Variants in DENND2B observed in about 807,000 individuals in gnomAD.
DENND2B encodes DENN domain-containing protein 2B.
In DENND2B, 32 loss-of-function variants were observed where a neutral mutation model predicts 116.0. The observed-to-expected ratio is 0.28, with a 90% CI of 0.21 to 0.37. The LOEUF (loss-of-function observed/expected upper bound fraction) is 0.37, where lower values mean the gene tolerates loss of function less well. DENND2B is among the 10% of genes least tolerant of loss of function. The probability of loss-of-function intolerance (pLI) is 1.00; values close to 1 mark genes in which losing one functional copy is unlikely to be tolerated. For missense variants in DENND2B, 1,276 were observed against 1,477.7 expected (o/e 0.86, Z 2.24); for synonymous variants, 588 against 583.9 (o/e 1.01, Z -0.10).
chr11:8,787,308 G>A (rs2059001775), intron 1 of DENND2B: 1 of 151,772 alleles, frequency 6.6e-6, no homozygotes, highest in Admixed American at 6.6e-5. Flanking sequence ...CATCCTCAAG[G>A]AGAAGATGCA....
intron 1 of DENND2B, among the ~76,000 whole-genome samples, chr11:8,767,958 C>T (rs1241371792): frequency 1.3e-5 from 2 of 152,062 alleles, no homozygotes; most frequent in Non-Finnish European, 2.9e-5. Context: ...CCACTGGCAG[C>T]AAGGGTGTGT....
In DENND2B at chr11:8,729,333, G is replaced by A. The variant is rs558505678; in HGVS notation, c.1340+617C>T. Among the ~76,000 whole-genome samples, 12 of 152,262 alleles carry A rather than the reference G, an allele frequency of 7.9e-5. No homozygotes were observed. The South Asian group carries it at 2.1e-3, about 26-fold the overall frequency. ...TTGGTAATCTGGGGTTAGAAATCCTGAGACTGACCAGGAAACCAACGTGAG... is the reference window on the plus strand; with the variant it reads ...TTGGTAATCTGGGGTTAGAAATCCTAAGACTGACCAGGAAACCAACGTGAG... On this transcript the variant is annotated intron_variant, in intron 3 of 19. Transcript: ENST00000313726.
intron 2 of DENND2B, among the ~76,000 whole-genome samples, chr11:8,745,770 T>G (rs1016401982): frequency 2.0e-5 from 3 of 152,216 alleles, no homozygotes; most frequent in African/African-American, 7.2e-5. Context: ...TATGAAGGCA[T>G]GCTGCCAAGT....
chr11:8,879,349 A>T (rs1354390186), intron 2 of DENND2B, among the ~76,000 whole-genome samples: 1 of 152,204 alleles, frequency 6.6e-6, no homozygotes, highest in African/African-American at 2.4e-5. Context: ...GCCATGCTGG[A>T]TATGTATGAA....
At chr11:8,695,640 C>T in intron 18 of DENND2B, 91 bp from the exon 19 acceptor site, 1 of 1,082,596 alleles carries the variant, frequency 9.2e-7, no homozygotes, top group Admixed American at 2.1e-5. Context: ...AGCACAGATG[C>T]CAAAAAAGGA....
chr11:8,721,586 A>G (rs2046199078), intron 4 of DENND2B, among the ~76,000 whole-genome samples: 1 of 152,154 alleles, frequency 6.6e-6, no homozygotes, highest in African/African-American at 2.4e-5. Context: ...AAGGGCCAGG[A>G]TAAGAGCCCA....
intron 4 of DENND2B, chr11:8,718,197 T>G (rs1249637347): frequency 1.2e-5 from 9 of 728,912 alleles, no homozygotes; most frequent in Non-Finnish European, 1.4e-5. Flanking sequence ...CACCCCTGCC[T>G]GTGCCCAGCC....
intron 2 of DENND2B, among the ~76,000 whole-genome samples, chr11:8,880,345 CTGTGTGTGTGTGTG>C (rs56051922): frequency 6.6e-5 from 8 of 120,552 alleles, no homozygotes; most frequent in African/African-American, 2.3e-4. Context: ...TCACTTTGAA[CTGTGTGTGTGTGTG>C]TGTGTGTGTG....
At chr11:8,892,098 T>G (rs2568039) in intron 1 of DENND2B, among the ~76,000 whole-genome samples, 62 of 152,264 alleles carry the variant, frequency 4.1e-4, no homozygotes, top group African/African-American at 7.2e-4. Flanking sequence ...CACTCAAAAC[T>G]GTTCAACTAC....
At chr11:8,797,647 T>A (rs2059952244) in intron 1 of DENND2B, among the ~76,000 whole-genome samples, 2 of 151,850 alleles carry the variant, frequency 1.3e-5, no homozygotes, top group Admixed American at 1.3e-4. Flanking sequence ...TGGAGTGCCA[T>A]GATCATAGCT....
In DENND2B at chr11:8,695,501, G is replaced by A. The variant is rs1375069950; in HGVS notation, c.3341C>T (p.Thr1114Ile). ...AAACTTATTCATTCCACTCTGCTCA[G>A]TGTCTGGGAGTTCTTCTAAGTACTG... ...VEQYLEELPD[T>I]EQSGMNKFLR... Residue 1114 changes from threonine (T) to isoleucine (I), a missense_variant, in exon 19 of 20, where the codon ACT becomes ATT. Transcript: ENST00000313726. 1.2e-6 allele frequency: 2 copies of A among 1,613,816 alleles called. No homozygotes were observed. Among genetic ancestry groups the A allele is most frequent in the African/African-American group, 2.7e-5 (2 of 74,882 alleles).
chr11:8,772,143 AC>A (rs2134189397), intron 1 of DENND2B, among the ~76,000 whole-genome samples: 1 of 151,660 alleles, frequency 6.6e-6, no homozygotes, highest in African/African-American at 2.4e-5. Flanking sequence ...ACACACACAC[AC>A]ACACACACAC....
chr11:8,753,311 T>C (rs139649414), intron 1 of DENND2B, among the ~76,000 whole-genome samples: 1 of 152,148 alleles, frequency 6.6e-6, no homozygotes, highest in Non-Finnish European at 1.5e-5. Context: ...AAGAAAATAA[T>C]TCTATTAACA....
chr11:8,814,447 C>T (rs895602147), upstream of DENND2B, among the ~76,000 whole-genome samples: 1 of 152,066 alleles, frequency 6.6e-6, no homozygotes, highest in African/African-American at 2.4e-5. Flanking sequence ...GCATCAGCCA[C>T]ATACAACTGC....
chr11:8,741,186 G>A (rs1016911984), intron 2 of DENND2B, among the ~76,000 whole-genome samples: 6 of 152,184 alleles, frequency 3.9e-5, no homozygotes, highest in African/African-American at 7.2e-5. Flanking sequence ...TCAGAGTTAC[G>A]TGAAAGGTAG....
intron 3 of DENND2B, among the ~76,000 whole-genome samples, chr11:8,840,897 T>C (rs1461491432): frequency 6.6e-6 from 1 of 152,184 alleles, no homozygotes; most frequent in African/African-American, 2.4e-5. Flanking sequence ...GAATATTCCA[T>C]ATTGAGTGAA....
At chr11:8,718,732 G>A (rs1259170413) in intron 4 of DENND2B, 1 of 1,102,230 alleles carries the variant, frequency 9.1e-7, no homozygotes, top group Non-Finnish European at 1.1e-6. Flanking sequence ...TAAAATCTCT[G>A]GCAGCGGGCA....
At chr11:8,894,121 G>A (rs1388086680) in intron 1 of DENND2B, among the ~76,000 whole-genome samples, 3 of 152,008 alleles carry the variant, frequency 2.0e-5, no homozygotes, top group Non-Finnish European at 2.9e-5. Context: ...GATCTTTGAC[G>A]AACCTGACAA....
rs1380716402 is a variant in DENND2B, at chr11:8,712,146, G to A, written c.2172+405C>T. 1 of 375,150 alleles carries A rather than the reference G, an allele frequency of 2.7e-6. No individual in the cohort carries two copies. Among genetic ancestry groups the A allele is most frequent in the African/African-American group, 2.1e-5 (1 of 47,458 alleles). 23.2% of individuals were successfully genotyped at this position (375,150 alleles called of 1,614,324 possible). A position where few individuals can be genotyped will look rare whatever the true frequency, so the allele number is the denominator to read the frequency against. ...GGCGGAGTGAGAGACAGGCTGGTGG[G>A]AGAAGTGCGGAGTGACAGCTAGTGG... On this transcript the variant is annotated intron_variant, in intron 9 of 19. Coordinates refer to ENST00000313726, the MANE Select transcript of DENND2B (RefSeq NM_213618.2). The surrounding 1 kb of genome is among the most constrained non-coding windows in gnomAD (Gnocchi z 4.4).
Sources: gnomAD v4.1 joint callset for allele counts (sites outside exome capture counted in the v4.1 genomes callset) on GRCh38, gnomAD v4.1.1 for gene constraint, Gnocchi (gnomAD v3.1) non-coding constraint, MANE v1.5 for transcripts, NCBI Gene and HGNC (gene_info 2026-07-23, HGNC 2026-07-21) for gene names.